The following KIFAP3 variants were observed in gnomAD, a reference collection of about 807,000 sequenced individuals.
The protein encoded by KIFAP3 is kinesin-associated protein 3.
In KIFAP3, 68 loss-of-function variants were observed where a neutral mutation model predicts 106.5. That is an observed-to-expected ratio of 0.64 (90% CI 0.53 to 0.78). The LOEUF is 0.78. Among genes scored for constraint, KIFAP3 ranks in the 30% least tolerant of loss-of-function variants. KIFAP3 has a pLI of 0.00. For synonymous variants in KIFAP3, 320 were observed against 311.5 expected (o/e 1.03, Z -0.29); for missense variants, 780 against 941.8 (o/e 0.83, Z 2.25).
At chr1:169,967,956 C>A (rs1252266639) in intron 17 of KIFAP3, among the ~76,000 whole-genome samples, 3 of 151,858 alleles carry the variant, frequency 2.0e-5, no homozygotes, top group African/African-American at 4.8e-5. Context: ...AGCTGAATCA[C>A]AGCTAAGGTA....
chr1:170,074,827 C>A, upstream of KIFAP3: 2 of 1,052,988 alleles, frequency 1.9e-6, no homozygotes, highest in Non-Finnish European at 1.2e-6. Flanking sequence ...TTTGAGCGTC[C>A]GTGTATAAGG....
intron 10 of KIFAP3, among the ~76,000 whole-genome samples, chr1:170,002,292 A>G (rs1057277445): frequency 3.9e-5 from 6 of 152,190 alleles, no homozygotes; most frequent in Non-Finnish European, 8.8e-5. Context: ...CTTACTCTCA[A>G]AATCAATTTT....
intron 18 of KIFAP3, 82 bp from the exon 19 acceptor site, chr1:169,954,192 C>T (rs1664885416): frequency 2.5e-6 from 2 of 809,826 alleles, no homozygotes; most frequent in Non-Finnish European, 4.2e-6. Flanking sequence ...AAGAAAATAA[C>T]TTGTATATTT....
At chr1:170,023,558 T>C (rs1394216285) in intron 9 of KIFAP3, among the ~76,000 whole-genome samples, 1 of 151,952 alleles carries the variant, frequency 6.6e-6, no homozygotes, top group African/African-American at 2.4e-5. Context: ...CAAATATGTA[T>C]GTACAAATAT....
chr1:170,043,736 G>C (rs1202201907), intron 3 of KIFAP3, among the ~76,000 whole-genome samples: 2 of 152,020 alleles, frequency 1.3e-5, no homozygotes, highest in Non-Finnish European at 2.9e-5. Flanking sequence ...AAAAATAAGG[G>C]GAAAAGAAAA....
intron 17 of KIFAP3, among the ~76,000 whole-genome samples, chr1:169,967,827 C>T (rs540448946): frequency 2.0e-5 from 3 of 151,878 alleles, no homozygotes; most frequent in East Asian, 1.9e-4. Context: ...AATCAACATA[C>T]ATCATTAAAA....
intron 10 of KIFAP3, among the ~76,000 whole-genome samples, chr1:170,011,224 C>T (rs550689185): frequency 2.6e-5 from 4 of 151,930 alleles, no homozygotes; most frequent in Admixed American, 6.6e-5. Flanking sequence ...CTATTTAACA[C>T]ATTAAAAATC....
rs756988328 is a variant in KIFAP3 at position 169,978,199 on chromosome 1, A to T, written c.1799-16T>A. ...TCTTGTTGAGCTGTAAATAAACAAA[A>T]AATTCAAATAAAGAATACTATGTTT... is the stretch of plus-strand genomic sequence containing the variant. On this transcript the variant is annotated splice_polypyrimidine_tract_variant and intron_variant, in intron 15 of 19. Transcript: ENST00000361580. The T allele has an allele frequency of 1.0e-5, 15 of 1,503,644 alleles. No homozygotes were observed. Among genetic ancestry groups the T allele is most frequent in the African/African-American group, 2.8e-5 (2 of 72,600 alleles). The allele number at this position is 1,503,644 out of a possible 1,614,324, so 93.1% of individuals were successfully genotyped here. A position where few individuals can be genotyped will look rare whatever the true frequency, so the allele number is the denominator to read the frequency against.
intron 19 of KIFAP3, among the ~76,000 whole-genome samples, chr1:169,948,637 A>C (rs1181826220): frequency 2.0e-5 from 3 of 152,020 alleles, no homozygotes; most frequent in Non-Finnish European, 2.9e-5. Context: ...AGTAATGAAG[A>C]TCATTGAACT....
At chr1:169,985,709 T>C (rs1318477421) in intron 11 of KIFAP3, among the ~76,000 whole-genome samples, 4 of 151,906 alleles carry the variant, frequency 2.6e-5, no homozygotes, top group Middle Eastern at 3.4e-3. Flanking sequence ...GGTTGAAAAC[T>C]GAAGCTGCAG....
chr1:170,003,196 T>TCC (rs1433603176), intron 10 of KIFAP3, among the ~76,000 whole-genome samples: 1 of 152,198 alleles, frequency 6.6e-6, no homozygotes, highest in Non-Finnish European at 1.5e-5. Flanking sequence ...GCTATATGTG[T>TCC]CTAAGTGCTT....
At chr1:170,053,133 A>G (rs1670660342) in intron 2 of KIFAP3, among the ~76,000 whole-genome samples, 1 of 152,228 alleles carries the variant, frequency 6.6e-6, no homozygotes, top group African/African-American at 2.4e-5. Context: ...CTGATAAGCA[A>G]CTTCAGCAAA....
At chr1:169,952,169 T>C (rs1032703955) in intron 19 of KIFAP3, among the ~76,000 whole-genome samples, 1 of 151,914 alleles carries the variant, frequency 6.6e-6, no homozygotes, top group Non-Finnish European at 1.5e-5. Flanking sequence ...AGTACACAGA[T>C]GAAACAATTT....
At chr1:169,994,065 T>G (rs1667254251) in intron 10 of KIFAP3, among the ~76,000 whole-genome samples, 1 of 152,248 alleles carries the variant, frequency 6.6e-6, no homozygotes, top group African/African-American at 2.4e-5. Flanking sequence ...AATTGTTGAT[T>G]GGTTAATAAT....
chr1:170,055,167 A>G, intron 2 of KIFAP3, 138 bp downstream of exon 2: 2 of 733,462 alleles, frequency 2.7e-6, no homozygotes, highest in Non-Finnish European at 4.1e-6. Context: ...GTTTAATATA[A>G]TCTCTCCTTC....
chr1:170,034,536 A>T (rs756715925), intron 6 of KIFAP3, 40 bp from the exon 7 acceptor site: 1 of 1,134,716 alleles, frequency 8.8e-7, no homozygotes, highest in South Asian at 1.6e-5. Context: ...AAAAGAATAC[A>T]TTTTATGGGT....
intron 10 of KIFAP3, among the ~76,000 whole-genome samples, chr1:170,003,348 T>C (rs911755218): frequency 1.3e-5 from 2 of 152,150 alleles, no homozygotes; most frequent in African/African-American, 2.4e-5. Flanking sequence ...GAGAAAGCTA[T>C]AAAATATAAG....
intron 3 of KIFAP3, 105 bp downstream of exon 3, chr1:170,046,607 C>A: frequency 1.1e-6 from 1 of 898,450 alleles, no homozygotes; most frequent in Non-Finnish European, 1.6e-6. Flanking sequence ...ACCTACCCAA[C>A]ATCAAATATC....
At chr1:169,954,401 T>C (rs1380536031) in intron 18 of KIFAP3, among the ~76,000 whole-genome samples, 2 of 151,916 alleles carry the variant, frequency 1.3e-5, no homozygotes, top group African/African-American at 2.4e-5. Flanking sequence ...TGGTCTCGTA[T>C]GGAGAAGAAA....
Sources: allele counts gnomAD v4.1 joint callset (sites outside exome capture counted in the v4.1 genomes callset), GRCh38; gene constraint gnomAD v4.1.1; transcripts MANE v1.5; gene names NCBI Gene and HGNC (gene_info 2026-07-23, HGNC 2026-07-21).